The following ISM1 variants were observed in gnomAD, a reference collection of about 807,000 sequenced individuals.
ISM1 encodes isthmin 1.
A neutral mutation model predicts 46.3 loss-of-function variants in ISM1; 25 were observed. The ratio of observed to expected loss-of-function variants is 0.54; its 90% CI spans 0.39 to 0.75. ISM1 has a LOEUF of 0.75. Ranked by LOEUF, ISM1 falls within the 30% of genes least tolerant of loss-of-function variation. The pLI, the probability that ISM1 is intolerant of heterozygous loss-of-function variation, is 0.00. For missense variants in ISM1, 536 were observed against 625.4 expected (o/e 0.86, Z 1.52); for synonymous variants, 255 against 256.7 (o/e 0.99, Z 0.06).
At chr20:13,323,576 T>C in the ISM1 span, among the ~76,000 whole-genome samples, 1 of 152,226 alleles carries the variant, frequency 6.6e-6, no homozygotes, top group Non-Finnish European at 1.5e-5. Context: ...GCCATTTACT[T>C]TGTTAGGCAA....
chr20:13,221,944 C>T, intron 1 of ISM1, 30 bp downstream of exon 1: 3 of 1,311,544 alleles, frequency 2.3e-6, no homozygotes, highest in Non-Finnish European at 1.9e-6. Context: ...GGGCCGTGCG[C>T]GGCTGCGGGG....
At chr20:13,301,250 G>A (rs984452131), downstream of ISM1, among the ~76,000 whole-genome samples, 6 of 151,990 alleles carry the variant, frequency 3.9e-5, no homozygotes, top group African/African-American at 1.5e-4. Context: ...GTGCAGTGAC[G>A]TGATCTTGAC....
intron 3 of ISM1, among the ~76,000 whole-genome samples, chr20:13,286,797 CAT>C (rs764229112): frequency 7.2e-5 from 11 of 152,222 alleles, no homozygotes; most frequent in Non-Finnish European, 1.5e-4. Flanking sequence ...CAGGTAGAAA[CAT>C]GTGTGGACTA....
chr20:13,308,042 A>C, the ISM1 span, among the ~76,000 whole-genome samples: 2 of 152,200 alleles, frequency 1.3e-5, no homozygotes, highest in Admixed American at 6.5e-5. Context: ...GGAGTGTTTG[A>C]AAGTTCCCAT....
At chr20:13,281,545 C>T (rs2040238365) in intron 3 of ISM1, among the ~76,000 whole-genome samples, 1 of 152,224 alleles carries the variant, frequency 6.6e-6, no homozygotes, top group African/African-American at 2.4e-5. Flanking sequence ...GCCTGGAAAA[C>T]TTAAGCAATT....
chr20:13,278,580 G>A (rs1194886662), intron 2 of ISM1, among the ~76,000 whole-genome samples: 3 of 152,220 alleles, frequency 2.0e-5, no homozygotes, highest in Non-Finnish European at 1.5e-5. Flanking sequence ...CCCCATGTCT[G>A]CCACTTACTA....
At position 13,270,570 on chromosome 20, in the gene ISM1, A is replaced by C. The variant is rs756513817; in HGVS notation, c.205A>C (p.Arg69=). 6.2e-7 allele frequency: 1 copy of C among 1,613,974 alleles called. No individual in the cohort carries two copies. Among genetic ancestry groups the C allele is most frequent in the Non-Finnish European group, 8.5e-7 (1 of 1,179,854 alleles). ...TSFSLSKEAP[R]EHLDHQAAHQ... ...CTTTTCTCTCTCCAAAGAAGCACCA[A>C]GGGAGCATCTGGACCACCAGGCTGC... The change falls in exon 2 of 6, where the codon AGG becomes CGG. Residue 69 remains arginine (R), a synonymous_variant. Coordinates refer to ENST00000262487, the MANE Select transcript of ISM1 (RefSeq NM_080826.2).
At chr20:13,286,805 G>T (rs184045132) in intron 3 of ISM1, among the ~76,000 whole-genome samples, 18 of 152,338 alleles carry the variant, frequency 1.2e-4, no homozygotes, top group Admixed American at 7.2e-4. Context: ...AACATGTGTG[G>T]ACTACATTCC....
At chr20:13,307,785 C>T in the ISM1 span, among the ~76,000 whole-genome samples, 1 of 152,336 alleles carries the variant, frequency 6.6e-6, no homozygotes, top group South Asian at 2.1e-4. Flanking sequence ...ATGCTTATCA[C>T]ATTTCCAATG....
chr20:13,301,143 A>T (rs951172767), downstream of ISM1, among the ~76,000 whole-genome samples: 3 of 152,048 alleles, frequency 2.0e-5, no homozygotes, highest in Admixed American at 2.0e-4. Context: ...CCCACCCTTA[A>T]GTTATCCTGA....
At chr20:13,247,557 T>TGTGTAG (rs1555810273) in intron 1 of ISM1, among the ~76,000 whole-genome samples, 2 of 146,924 alleles carry the variant, frequency 1.4e-5, no homozygotes, top group African/African-American at 5.2e-5. Context: ...TGTGTGTGTG[T>TGTGTAG]GTAGGTAGGT....
chr20:13,284,604 C>T (rs773742712), intron 3 of ISM1, among the ~76,000 whole-genome samples: 1 of 152,182 alleles, frequency 6.6e-6, no homozygotes, highest in African/African-American at 2.4e-5. Context: ...CAGAAATGCC[C>T]GTTCTGTTCT....
chr20:13,241,863 T>C (rs1297851131), intron 1 of ISM1, among the ~76,000 whole-genome samples: 1 of 152,036 alleles, frequency 6.6e-6, no homozygotes, highest in Non-Finnish European at 1.5e-5. Context: ...CCTACAGAAG[T>C]TGGATCACTG....
downstream of ISM1, among the ~76,000 whole-genome samples, chr20:13,301,606 A>AT (rs1330918920): frequency 6.6e-6 from 1 of 152,124 alleles, no homozygotes; most frequent in Non-Finnish European, 1.5e-5. Flanking sequence ...ATCTGAAGCA[A>AT]TTTTTTGCTA....
the ISM1 span, among the ~76,000 whole-genome samples, chr20:13,307,588 G>A: frequency 6.6e-6 from 1 of 152,152 alleles, no homozygotes; most frequent in African/African-American, 2.4e-5. Context: ...CCCCCGTCCA[G>A]TAACGGGCAC....
intron 3 of ISM1, among the ~76,000 whole-genome samples, chr20:13,285,229 T>G (rs2040278735): frequency 1.3e-5 from 2 of 152,020 alleles, no homozygotes; most frequent in Admixed American, 1.3e-4. Context: ...AATTCAGGGC[T>G]GCAATGAGCC....
chr20:13,268,272 G>A (rs769320701), intron 1 of ISM1, among the ~76,000 whole-genome samples: 4 of 114,166 alleles, frequency 3.5e-5, no homozygotes, highest in African/African-American at 1.3e-4. Flanking sequence ...CTTCTCTCTC[G>A]CTCCTTCTCT....
At chr20:13,224,163 G>A (rs1014370228) in intron 1 of ISM1, among the ~76,000 whole-genome samples, 4 of 152,032 alleles carry the variant, frequency 2.6e-5, no homozygotes, top group African/African-American at 7.3e-5. Flanking sequence ...AATAGTGTTC[G>A]GTGAGACTGT....
Position 13,225,122 on chromosome 20 carries a change from G to A in ISM1, c.138+3208G>A, listed in dbSNP as rs371208409. On this transcript the variant is annotated intron_variant, in intron 1 of 5. Transcript: ENST00000262487. ...CCCGCCTTGGCCTCCCAAAGTGCTGGGATTACAGGCGTGAGCCACCGCGCC... is the reference window on the plus strand; with the variant it reads ...CCCGCCTTGGCCTCCCAAAGTGCTGAGATTACAGGCGTGAGCCACCGCGCC... Among the ~76,000 whole-genome samples the A allele has an allele frequency of 1.1e-4, 17 of 151,986 alleles. No individual in the cohort carries two copies. The East Asian group carries it at 2.1e-3, about 19-fold the overall frequency.
Sources: allele counts gnomAD v4.1 joint callset (sites outside exome capture counted in the v4.1 genomes callset), GRCh38; gene constraint gnomAD v4.1.1; transcripts MANE v1.5; gene names NCBI Gene and HGNC (gene_info 2026-07-23, HGNC 2026-07-21).